The following APOBEC3H variants were observed in gnomAD, a reference collection of about 807,000 sequenced individuals.
APOBEC3H encodes apolipoprotein B mRNA editing enzyme catalytic subunit 3H, also known as DNA dC->dU-editing enzyme APOBEC-3H.
Under a neutral mutation model 21.2 loss-of-function variants are expected in APOBEC3H, and 8 were observed. The ratio of observed to expected loss-of-function variants is 0.38; its 90% confidence interval spans 0.22 to 0.68. APOBEC3H has a LOEUF of 0.68. Among genes scored for constraint, APOBEC3H ranks in the 30% least tolerant of loss-of-function variants. The pLI is 0.52. For missense variants in APOBEC3H, 229 were observed against 228.1 expected, an observed-to-expected ratio of 1.00 and a Z score of -0.03; for synonymous variants, 88 against 91.0, an observed-to-expected ratio of 0.97 and a Z score of 0.19.
Position 39,102,053 on chromosome 22 carries a change from G to C in APOBEC3H, c.543+11G>C, listed in dbSNP as rs1182070491. The C allele has an allele frequency of 4.3e-6, 7 of 1,612,336 alleles. No homozygotes were observed. In the Admixed American group the frequency reaches 1.0e-4, roughly 23 times the overall value. ...CTTGAGAGGATAAAGGTGAGGCACT[G>C]TCCTGCCTGCTGCCCCCGACCTCCT... On this transcript the variant is annotated intron_variant, in intron 4 of 4. Coordinates refer to ENST00000442487, the MANE Select transcript of APOBEC3H (RefSeq NM_181773.5).
intron 1 of APOBEC3H, among the ~76,000 whole-genome samples, chr22:39,100,046 A>G (rs1441774013): frequency 6.6e-6 from 1 of 152,176 alleles, no homozygotes; most frequent in Non-Finnish European, 1.5e-5. Context: ...GGTGGCAGGC[A>G]TCTGTAATCC....
Position 39,103,792 on chromosome 22 carries a change from G to A in APOBEC3H, c.*95G>A. On this transcript the variant is annotated 3_prime_UTR_variant, in exon 5 of 5. Transcript: ENST00000442487. ...AGCAACTCAAGATGACTTTCCCTGGGGCATGTCAGTTGCCTCATAGCCTGC... is the reference window on the plus strand; with the variant it reads ...AGCAACTCAAGATGACTTTCCCTGGAGCATGTCAGTTGCCTCATAGCCTGC... 1 of 1,507,632 alleles carries A rather than the reference G, an allele frequency of 6.6e-7. No homozygotes were observed. The highest frequency in any genetic ancestry group is 9.2e-7 in the Non-Finnish European group (1 of 1,083,430). 93.4% of individuals were successfully genotyped at this position (1,507,632 alleles called of 1,614,324 possible).
chr22:39,101,860 C>T (rs1929374486), intron 3 of APOBEC3H, 58 bp from the exon 4 acceptor site: 1 of 1,612,806 alleles, frequency 6.2e-7, no homozygotes, highest in Non-Finnish European at 8.5e-7. Context: ...GAAGCAAGAG[C>T]TCCTGGCACT....
intron 3 of APOBEC3H, among the ~76,000 whole-genome samples, 168 bp downstream of exon 3, chr22:39,101,672 G>A (rs1420586008): frequency 2.3e-5 from 1 of 42,658 alleles, no homozygotes; most frequent in Non-Finnish European, 4.4e-5. Flanking sequence ...GGCGGGGGGC[G>A]GGGGCGGGTT....
At chr22:39,101,669 G>A (rs1346922017) in intron 3 of APOBEC3H, among the ~76,000 whole-genome samples, 165 bp downstream of exon 3, 15 of 34,060 alleles carry the variant, frequency 4.4e-4, no homozygotes, top group South Asian at 1.3e-3. Context: ...GTTGGCGGGG[G>A]GCGGGGGCGG....
intron 4 of APOBEC3H, chr22:39,102,550 A>G (rs750796941): frequency 2.8e-6 from 2 of 718,408 alleles, no homozygotes; most frequent in South Asian, 3.0e-5. Context: ...ACATGGATAT[A>G]TTGTGTGATG....
chr22:39,101,803 C>T, intron 3 of APOBEC3H, 115 bp from the exon 4 acceptor site: 3 of 1,535,278 alleles, frequency 2.0e-6, no homozygotes, highest in Non-Finnish European at 2.7e-6. Flanking sequence ...GGGAGAATTC[C>T]CCAGACAGAG....
At chr22:39,102,065 GC>G (rs1929399055) in intron 4 of APOBEC3H, 23 bp downstream of exon 4, 1 of 1,609,528 alleles carries the variant, frequency 6.2e-7, no homozygotes, top group Non-Finnish European at 8.5e-7. Flanking sequence ...CCTGCCTGCT[GC>G]CCCCGACCTC....
intron 2 of APOBEC3H, 101 bp from the exon 3 acceptor site, chr22:39,101,136 G>GCCC: frequency 2.6e-6 from 1 of 378,522 alleles, no homozygotes; most frequent in South Asian, 2.3e-5. Context: ...AGACCCCTCT[G>GCCC]CCCCCCCATC....
chr22:39,100,443 C>T lies in APOBEC3H; in HGVS notation c.150+15C>T, dbSNP rs765341469. 3 of 1,611,272 alleles carry T rather than the reference C, an allele frequency of 1.9e-6. No individual in the cohort carries two copies. ...TTGAAAACAAGGTGCCACACGGGCT[C>T]TCTGGGCACAGGGCCGGCAGGGGCT... On this transcript the variant is annotated intron_variant, in intron 2 of 4. Coordinates refer to ENST00000442487, the MANE Select transcript of APOBEC3H (RefSeq NM_181773.5).
intron 4 of APOBEC3H, among the ~76,000 whole-genome samples, chr22:39,102,902 G>A (rs1929451105): frequency 6.7e-6 from 1 of 148,756 alleles, no homozygotes; most frequent in African/African-American, 2.5e-5. Flanking sequence ...GTGGGAGGTT[G>A]CAGTGAGCCG....
Position 39,101,514 on chromosome 22 carries a change from A to T in APOBEC3H, c.418+10A>T. 6.8e-7 allele frequency: 1 copy of T among 1,469,582 alleles called. No individual in the cohort carries two copies. The highest frequency in any genetic ancestry group is 2.5e-4 in the Middle Eastern group (1 of 3,958). 91.0% of individuals were successfully genotyped at this position (1,469,582 alleles called of 1,614,324 possible). A position where few individuals can be genotyped will look rare whatever the true frequency, so the allele number is the denominator to read the frequency against. ...GTCATGGGCTTCCCAGGTAGGAAAG[A>T]GGCTTTGCAGTTATAAGAGTGCAAA... On this transcript the variant is annotated intron_variant, in intron 3 of 4. Transcript: ENST00000442487.
intron 3 of APOBEC3H, 53 bp downstream of exon 3, chr22:39,101,557 T>A (rs1929337851): frequency 7.1e-7 from 1 of 1,410,830 alleles, no homozygotes; most frequent in African/African-American, 1.5e-5. Context: ...GGGCACAGGC[T>A]TGGCAGGGGC....
At chr22:39,100,746 C>T (rs908406425) in intron 2 of APOBEC3H, among the ~76,000 whole-genome samples, 5 of 152,240 alleles carry the variant, frequency 3.3e-5, no homozygotes, top group East Asian at 1.9e-4. Context: ...GCCGAGGTGC[C>T]GTGCCACGGT....
chr22:39,101,431 G>C lies in APOBEC3H; in HGVS notation c.345G>C (p.Trp115Cys). Residue 115 changes from tryptophan (W) to cysteine (C), a missense_variant, in exon 3 of 5, where the codon TGG (tryptophan) becomes TGC (cysteine). Physicochemically the swap from Trp to Cys is radical, Grantham distance 215. Coordinates refer to ENST00000442487, the MANE Select transcript of APOBEC3H (RefSeq NM_181773.5). ...GIFASRLYYH[W>C]CKPQQKGLRL... ...TCGCCTCCCGCCTGTACTACCACTG[G>C]TGCAAGCCCCAGCAGAAGGGGCTGC... 6.2e-7 allele frequency: 1 copy of C among 1,611,842 alleles called. No homozygotes were observed. Among genetic ancestry groups the C allele is most frequent in the Non-Finnish European group, 8.5e-7 (1 of 1,179,534 alleles).
Position 39,101,395 on chromosome 22 carries a change from C to T in APOBEC3H, c.309C>T (p.Asn103=). 1 of 1,612,428 alleles carries T rather than the reference C, an allele frequency of 6.2e-7. No individual in the cohort carries two copies. The highest frequency in any genetic ancestry group is 2.2e-5 in the East Asian group (1 of 44,744). The change falls in exon 3 of 5, where the codon AAC becomes AAT. Residue 103 remains asparagine, a synonymous_variant. Transcript: ENST00000442487. ...TCATCAAGGCTCACGACCATCTGAA[C>T]CTGGGCATCTTCGCCTCCCGCCTGT... is the stretch of plus-strand genomic sequence containing the variant. ...VDFIKAHDHL[N]LGIFASRLYY... is the part of the protein sequence containing the mutation.
chr22:39,099,480 G>T (rs1333559003), intron 1 of APOBEC3H, among the ~76,000 whole-genome samples: 1 of 152,172 alleles, frequency 6.6e-6, no homozygotes, highest in Non-Finnish European at 1.5e-5. Context: ...GACATGTAGG[G>T]GTCGAGAGGC....
intron 1 of APOBEC3H, among the ~76,000 whole-genome samples, 175 bp downstream of exon 1, chr22:39,097,518 C>T (rs1929071815): frequency 6.6e-6 from 1 of 152,036 alleles, no homozygotes; most frequent in Non-Finnish European, 1.5e-5. Flanking sequence ...GTGTGGTCAC[C>T]CCACTGCTGC....
At chr22:39,103,217 G>A (rs1198273320) in intron 4 of APOBEC3H, among the ~76,000 whole-genome samples, 1 of 147,382 alleles carries the variant, frequency 6.8e-6, no homozygotes, top group African/African-American at 2.5e-5. Context: ...GTTCAGGGAG[G>A]TGAAGGCTGT....
Sources: allele counts gnomAD v4.1 joint callset (sites outside exome capture counted in the v4.1 genomes callset), GRCh38; gene constraint gnomAD v4.1.1; transcripts MANE v1.5; gene names NCBI Gene and HGNC (gene_info 2026-07-23, HGNC 2026-07-21).